The following WIPF1 variants were observed in gnomAD, a reference collection of about 807,000 sequenced individuals.
WIPF1 encodes the protein WAS/WASL-interacting protein family member 1.
Under a neutral mutation model 35.4 loss-of-function variants are expected in WIPF1, and 13 were observed. That is an observed-to-expected ratio of 0.37 (90% CI 0.24 to 0.58). The LOEUF (loss-of-function observed/expected upper bound fraction) is 0.58. Among genes scored for constraint, WIPF1 ranks in the 20% least tolerant of loss-of-function variants. The pLI is 0.74. For synonymous variants in WIPF1, 267 were observed against 266.3 expected (o/e 1.00, Z -0.02); for missense variants, 591 against 667.0 (o/e 0.89, Z 1.25).
chr2:174,667,680 C>T (rs938361505), intron 1 of WIPF1, among the ~76,000 whole-genome samples: 2 of 152,206 alleles, frequency 1.3e-5, no homozygotes, highest in African/African-American at 4.8e-5. Flanking sequence ...CCACCTCAGC[C>T]TTTCCGGGAG....
rs1342955211 is a variant in WIPF1 at position 174,573,817 on chromosome 2, T to G, written c.359-1371A>C. 5.9e-5 allele frequency among the ~76,000 whole-genome samples: 9 copies of G among 151,974 alleles called. No homozygotes were observed. The South Asian group carries it at 1.2e-3, about 21-fold the overall frequency. ...GGACAGAAGGGGTTCCGATTTTATC[T>G]AAGGCACAGGAAGAAGCATTTGGAC... On this transcript the variant is annotated intron_variant, in intron 4 of 7. Coordinates refer to ENST00000679041, the MANE Select transcript of WIPF1 (RefSeq NM_001375834.1).
At chr2:174,636,086 C>A (rs548814855) in intron 1 of WIPF1, among the ~76,000 whole-genome samples, 6 of 152,284 alleles carry the variant, frequency 3.9e-5, no homozygotes, top group Non-Finnish European at 8.8e-5. Flanking sequence ...AATAATGGTA[C>A]AATTTTGCCA....
At chr2:174,642,474 G>C (rs1487195395) in intron 1 of WIPF1, among the ~76,000 whole-genome samples, 3 of 148,524 alleles carry the variant, frequency 2.0e-5, no homozygotes, top group Non-Finnish European at 4.5e-5. Flanking sequence ...AGCCTCCCGA[G>C]TAGCTGGAAC....
chr2:174,649,213 G>A (rs1687482121), intron 1 of WIPF1, among the ~76,000 whole-genome samples: 1 of 152,154 alleles, frequency 6.6e-6, no homozygotes, highest in Non-Finnish European at 1.5e-5. Flanking sequence ...CAGATGCTGA[G>A]CCCATAAATG....
chr2:174,599,945 G>T (rs910012924), upstream of WIPF1, among the ~76,000 whole-genome samples: 2 of 152,196 alleles, frequency 1.3e-5, no homozygotes, highest in Non-Finnish European at 2.9e-5. Context: ...TCCACGGAGT[G>T]GGGGCAGGGG....
intron 1 of WIPF1, among the ~76,000 whole-genome samples, chr2:174,634,179 G>C (rs1304655988): frequency 6.6e-6 from 1 of 152,166 alleles, no homozygotes; most frequent in Non-Finnish European, 1.5e-5. Context: ...AGGCTGATCT[G>C]TCCCGTTTCA....
chr2:174,588,490 C>T (rs141303625), intron 1 of WIPF1, among the ~76,000 whole-genome samples: 1 of 152,130 alleles, frequency 6.6e-6, no homozygotes, highest in African/African-American at 2.4e-5. Flanking sequence ...GGAATGGGGA[C>T]CCTTTCAGGG....
In WIPF1 at chr2:174,562,229, T is replaced by C; in HGVS notation, c.*318A>G. The stretch of plus-strand genomic sequence containing the variant: ...ATTACAGTCTGTAACAAATAAGCAG[T>C]GAATGTTTGAATTTGGTTGGTGGAA... On this transcript the variant is annotated 3_prime_UTR_variant, in exon 8 of 8. Transcript: ENST00000679041. 1 of 1,544,990 alleles carries C rather than the reference T, an allele frequency of 6.5e-7. No homozygotes were observed. Among genetic ancestry groups the C allele is most frequent in the Non-Finnish European group, 8.8e-7 (1 of 1,142,772 alleles).
chr2:174,566,029 ACACAC>A (rs1292491954), intron 7 of WIPF1: 1 of 151,926 alleles, frequency 6.6e-6, no homozygotes, highest in Admixed American at 6.6e-5. Flanking sequence ...GATTACAGGC[ACACAC>A]CACCATGCCC....
intron 1 of WIPF1, among the ~76,000 whole-genome samples, chr2:174,610,448 T>C (rs6729176): frequency 0.51 from 77,496 of 151,892 alleles, 20,621 homozygotes; most frequent in East Asian, 0.92. Context: ...CATTTAAATA[T>C]TGACTAGTTT....
intron 1 of WIPF1, among the ~76,000 whole-genome samples, chr2:174,660,932 G>A (rs1224076500): frequency 6.6e-6 from 1 of 152,248 alleles, no homozygotes; most frequent in Non-Finnish European, 1.5e-5. Flanking sequence ...CTGATGCCTA[G>A]GGCTGGTGCT....
chr2:174,589,819 T>C (rs1685549381), intron 1 of WIPF1, among the ~76,000 whole-genome samples: 1 of 152,258 alleles, frequency 6.6e-6, no homozygotes, highest in Non-Finnish European at 1.5e-5. Flanking sequence ...GATCCATTGC[T>C]AGATCTTGTT....
chr2:174,568,219 T>A, intron 5 of WIPF1, 146 bp from the exon 6 acceptor site: 1 of 1,042,610 alleles, frequency 9.6e-7, no homozygotes, highest in Non-Finnish European at 1.3e-6. Flanking sequence ...GAGAAATGAG[T>A]AAACACACAG....
intron 1 of WIPF1, among the ~76,000 whole-genome samples, chr2:174,611,679 A>C (rs1226586506): frequency 6.6e-6 from 1 of 152,236 alleles, no homozygotes; most frequent in African/African-American, 2.4e-5. Context: ...TTCCTGGGAT[A>C]AGATGATCTC....
intron 1 of WIPF1, among the ~76,000 whole-genome samples, chr2:174,651,461 T>C (rs1161734381): frequency 2.6e-5 from 4 of 152,226 alleles, no homozygotes; most frequent in Admixed American, 6.5e-5. Flanking sequence ...GTAACATACC[T>C]TTTCAAATAC....
rs760752697 is a variant in WIPF1 at position 174,575,274 on chromosome 2, T to TCCGCCCCCTCCAAAACTTCCA, written c.267_287dup (p.Gly90_Gly96dup). On this transcript the variant is annotated inframe_insertion, in exon 4 of 8. Transcript: ENST00000679041. ...GGAACAATCCTCCCAGACCTGGAGG[T>TCCGCCCCCTCCAAAACTTCCA]CCGCCCCCTCCAAAACTTCCACCGC... 19 of 1,613,548 alleles carry TCCGCCCCCTCCAAAACTTCCA rather than the reference T, an allele frequency of 1.2e-5. No homozygotes were observed. In the African/African-American group the frequency reaches 2.4e-4, roughly 20 times the overall value.
At chr2:174,605,781 C>G (rs1686142201) in intron 1 of WIPF1, among the ~76,000 whole-genome samples, 2 of 151,948 alleles carry the variant, frequency 1.3e-5, no homozygotes, top group African/African-American at 4.8e-5. Flanking sequence ...GAGGAGTACA[C>G]AGCAGTTTGT....
intron 1 of WIPF1, among the ~76,000 whole-genome samples, chr2:174,625,335 G>A (rs1305992239): frequency 6.6e-6 from 1 of 152,182 alleles, no homozygotes; most frequent in Non-Finnish European, 1.5e-5. Flanking sequence ...TTCTGAATGA[G>A]GTCTCAGGTT....
chr2:174,645,510 A>G (rs753079530), intron 1 of WIPF1, among the ~76,000 whole-genome samples: 14 of 152,178 alleles, frequency 9.2e-5, no homozygotes, highest in Non-Finnish European at 1.8e-4. Context: ...TTGTTTCTAA[A>G]ATGACCCTGA....
Sources: allele counts gnomAD v4.1 joint callset (sites outside exome capture counted in the v4.1 genomes callset), GRCh38; gene constraint gnomAD v4.1.1; transcripts MANE v1.5; gene names NCBI Gene and HGNC (gene_info 2026-07-23, HGNC 2026-07-21).